Variants in FAM227B observed in about 807,000 individuals in gnomAD.
FAM227B encodes the protein protein FAM227B.
Under a neutral mutation model 73.8 loss-of-function variants are expected in FAM227B, and 88 were observed. The ratio of observed to expected loss-of-function variants is 1.19; its 90% confidence interval spans 1.00 to 1.42. FAM227B has a LOEUF of 1.42. Ranked by LOEUF, FAM227B falls within the 40% of genes most tolerant of loss-of-function variation. The pLI, the probability that FAM227B is intolerant of heterozygous loss-of-function variation, is 0.00. For synonymous variants in FAM227B, 210 were observed against 190.5 expected (o/e 1.10, Z -0.84); for missense variants, 632 against 590.9 (o/e 1.07, Z -0.72).
intron 11 of FAM227B, among the ~76,000 whole-genome samples, chr15:49,440,766 A>G (rs894734069): frequency 6.6e-6 from 1 of 151,812 alleles, no homozygotes; most frequent in African/African-American, 2.4e-5. Context: ...CAGAGTCAGG[A>G]CCTGAACTCA....
At chr15:49,411,765 C>A (rs1489884408) in intron 11 of FAM227B, among the ~76,000 whole-genome samples, 5 of 152,026 alleles carry the variant, frequency 3.3e-5, no homozygotes, top group Admixed American at 3.3e-4. Context: ...TATTTGGAAT[C>A]TCTCAATTCA....
At chr15:49,419,641 T>C (rs1369696569) in intron 11 of FAM227B, among the ~76,000 whole-genome samples, 1 of 152,172 alleles carries the variant, frequency 6.6e-6, no homozygotes, top group Admixed American at 6.6e-5. Flanking sequence ...ATACAGATCA[T>C]ATGCCTTAAT....
chr15:49,442,267 T>C (rs540232293), intron 11 of FAM227B, among the ~76,000 whole-genome samples: 1 of 151,830 alleles, frequency 6.6e-6, no homozygotes, highest in Non-Finnish European at 1.5e-5. Flanking sequence ...TTTTTCACTC[T>C]GCATGACAAT....
chr15:49,598,212 G>C (rs1007123830), intron 3 of FAM227B, among the ~76,000 whole-genome samples: 2 of 151,726 alleles, frequency 1.3e-5, no homozygotes, highest in Non-Finnish European at 3.0e-5. Context: ...TTATCCATAA[G>C]TATTTTTTCA....
rs573301980 is a variant in FAM227B, at chr15:49,344,609, G to A, written c.1272-9113C>T. Among the ~76,000 whole-genome samples, 62 of 152,282 alleles carry A rather than the reference G, an allele frequency of 4.1e-4. 1 individual carries two copies. The South Asian group carries it at 0.012, about 31-fold the overall frequency. On this transcript the variant is annotated intron_variant, in intron 13 of 15. Coordinates refer to ENST00000299338, the MANE Select transcript of FAM227B (RefSeq NM_152647.3). ...TGAATTCGAAGGAAAGATAGCCCTG[G>A]TCTTGCTTAGCTTGGACTTGGAGCA...
At chr15:49,505,880 T>C (rs1455152351) in intron 11 of FAM227B, among the ~76,000 whole-genome samples, 2 of 151,920 alleles carry the variant, frequency 1.3e-5, no homozygotes, top group African/African-American at 4.8e-5. Context: ...AAGACTCAAC[T>C]ACAGATTGTT....
At chr15:49,565,381 C>CA (rs3075974) in intron 9 of FAM227B, among the ~76,000 whole-genome samples, 31,035 of 89,952 alleles carry the variant, frequency 0.35, 4,852 homozygotes, top group East Asian at 0.55. Flanking sequence ...GACTCCATCT[C>CA]AAAAAAAAAA....
At chr15:49,508,075 A>G in intron 11 of FAM227B, 136 bp downstream of exon 11, 2 of 859,652 alleles carry the variant, frequency 2.3e-6, no homozygotes, top group Non-Finnish European at 3.5e-6. Flanking sequence ...GTACCACTAT[A>G]ACATCAATCT....
At chr15:49,346,188 C>G (rs1421519186) in intron 13 of FAM227B, among the ~76,000 whole-genome samples, 1 of 152,122 alleles carries the variant, frequency 6.6e-6, no homozygotes, top group Admixed American at 6.5e-5. Context: ...GAAACTTGGG[C>G]CAGCTCCTGT....
intron 11 of FAM227B, among the ~76,000 whole-genome samples, chr15:49,454,590 A>G (rs1226200025): frequency 1.3e-5 from 2 of 152,032 alleles, no homozygotes. Flanking sequence ...CCCCATAATT[A>G]TACTCTTTAT....
chr15:49,365,432 AG>A, intron 13 of FAM227B: 1 of 945,706 alleles, frequency 1.1e-6, no homozygotes, highest in South Asian at 1.3e-5. Flanking sequence ...CGCAAGCAAC[AG>A]GCCTGTACAA....
chr15:49,613,445 GA>G (rs1169144412), intron 2 of FAM227B, among the ~76,000 whole-genome samples: 1 of 152,132 alleles, frequency 6.6e-6, no homozygotes, highest in Admixed American at 6.5e-5. Flanking sequence ...AGGTTGCGGT[GA>G]GCCAAGATTG....
rs1264017689 is a variant in FAM227B, at chr15:49,510,679, C to G, written c.875-2331G>C. Among the ~76,000 whole-genome samples, 10 of 152,180 alleles carry G rather than the reference C, an allele frequency of 6.6e-5. 1 individual carries two copies. Among genetic ancestry groups the G allele is most frequent in the Admixed American group, 6.6e-4 (10 of 15,262 alleles). On this transcript the variant is annotated intron_variant, in intron 10 of 15. Transcript: ENST00000299338. ...AATTTACATGTCTCATGTGTTAAAGCCTCCATTTCTTGACTCTCATCTTAA... is the reference window on the plus strand; with the variant it reads ...AATTTACATGTCTCATGTGTTAAAGGCTCCATTTCTTGACTCTCATCTTAA...
chr15:49,466,751 C>A (rs945666907), intron 11 of FAM227B, among the ~76,000 whole-genome samples: 2 of 152,078 alleles, frequency 1.3e-5, no homozygotes, highest in Non-Finnish European at 2.9e-5. Flanking sequence ...AGAGAGGAAA[C>A]ATAATTGTTT....
intron 9 of FAM227B, among the ~76,000 whole-genome samples, chr15:49,546,550 G>A (rs1320483029): frequency 1.3e-5 from 2 of 152,146 alleles, no homozygotes; most frequent in Non-Finnish European, 2.9e-5. Flanking sequence ...TTCCACAATG[G>A]TTGAACTAGT....
At chr15:49,506,072 T>C (rs1272941214) in intron 11 of FAM227B, among the ~76,000 whole-genome samples, 3 of 151,938 alleles carry the variant, frequency 2.0e-5, no homozygotes, top group African/African-American at 7.2e-5. Context: ...AAAAACCTAA[T>C]AAAAGTATAT....
chr15:49,617,998 G>A (rs868559698), intron 1 of FAM227B, among the ~76,000 whole-genome samples: 51 of 152,188 alleles, frequency 3.4e-4, no homozygotes, highest in African/African-American at 1.2e-3. Flanking sequence ...GCAGTGTAGA[G>A]TCTTCTCCCC....
At chr15:49,438,916 A>C (rs925533093) in intron 11 of FAM227B, among the ~76,000 whole-genome samples, 1 of 151,534 alleles carries the variant, frequency 6.6e-6, no homozygotes, top group Non-Finnish European at 1.5e-5. Context: ...AGAGAGAGAG[A>C]AAATTAGTTA....
chr15:49,437,539 TG>T (rs2051220091), intron 11 of FAM227B, among the ~76,000 whole-genome samples: 1 of 151,678 alleles, frequency 6.6e-6, no homozygotes, highest in South Asian at 2.1e-4. Flanking sequence ...GGTGTGATTC[TG>T]GGTAAATCAT....
Sources: allele counts gnomAD v4.1 joint callset (sites outside exome capture counted in the v4.1 genomes callset), GRCh38; gene constraint gnomAD v4.1.1; transcripts MANE v1.5; gene names NCBI Gene and HGNC (gene_info 2026-07-23, HGNC 2026-07-21).